The following UNC13C variants were observed in gnomAD, a reference collection of about 807,000 sequenced individuals.
The protein encoded by UNC13C is unc-13 homolog C.
A neutral mutation model predicts 245.4 loss-of-function variants in UNC13C; 174 were observed. The observed-to-expected ratio is 0.71, with a 90% CI of 0.63 to 0.80. The LOEUF is 0.80. UNC13C is among the 30% of genes least tolerant of loss of function. The pLI, the probability that UNC13C is intolerant of heterozygous loss-of-function variation, is 0.00. For missense variants in UNC13C, 2,829 were observed against 2,602.9 expected (o/e 1.09, Z -1.89); for synonymous variants, 992 against 895.1 (o/e 1.11, Z -1.93).
intron 19 of UNC13C, among the ~76,000 whole-genome samples, chr15:54,442,659 T>C (rs984133407): frequency 4.6e-5 from 7 of 152,242 alleles, no homozygotes; most frequent in African/African-American, 1.7e-4. Context: ...CATGAAAGGA[T>C]GCTTTTTCTA....
chr15:54,416,325 A>G (rs1028960131), intron 19 of UNC13C, among the ~76,000 whole-genome samples: 3 of 152,284 alleles, frequency 2.0e-5, no homozygotes, highest in African/African-American at 7.2e-5. Context: ...ACCAGGTTGC[A>G]GAGGGAACAT....
rs553857594 is a variant in UNC13C, at chr15:54,261,193, A to G, written c.3449-2975A>G. 1.8e-3 allele frequency among the ~76,000 whole-genome samples: 270 copies of G among 152,274 alleles called. 1 individual carries two copies. The highest frequency in any genetic ancestry group is 6.2e-3 in the African/African-American group (258 of 41,556). ...CTGGTTGGCATATTACTGTATTTCA[A>G]TGACACTGCTAGACCTTCTACCACA... On this transcript the variant is annotated intron_variant, in intron 8 of 32. Coordinates refer to ENST00000260323, the MANE Select transcript of UNC13C (RefSeq NM_001080534.3).
At chr15:53,922,873 CT>C in the UNC13C span, among the ~76,000 whole-genome samples, 1 of 152,106 alleles carries the variant, frequency 6.6e-6, no homozygotes, top group East Asian at 1.9e-4. Flanking sequence ...TAGCTGAGAA[CT>C]TTTTTGCTCA....
chr15:53,953,984 G>A, the UNC13C span, among the ~76,000 whole-genome samples: 1 of 152,172 alleles, frequency 6.6e-6, no homozygotes, highest in Non-Finnish European at 1.5e-5. Flanking sequence ...GGGGTGCAGG[G>A]CTCCGAGCTT....
chr15:53,984,365 A>G (rs1400328927), intron 1 of UNC13C, among the ~76,000 whole-genome samples: 2 of 152,100 alleles, frequency 1.3e-5, no homozygotes, highest in Non-Finnish European at 2.9e-5. Flanking sequence ...TTGATTTACT[A>G]ATGCATCATA....
chr15:54,224,226 G>C (rs1404607802), intron 4 of UNC13C, among the ~76,000 whole-genome samples: 1 of 152,056 alleles, frequency 6.6e-6, no homozygotes, highest in African/African-American at 2.4e-5. Flanking sequence ...TTAAAGGAAA[G>C]GTTTTCAGTT....
chr15:54,275,670 G>C (rs2036812919), intron 10 of UNC13C, among the ~76,000 whole-genome samples: 1 of 151,988 alleles, frequency 6.6e-6, no homozygotes, highest in African/African-American at 2.4e-5. Context: ...TTATCCTGTT[G>C]TCACTAAGTG....
chr15:54,435,284 T>A (rs1449574162), intron 19 of UNC13C, among the ~76,000 whole-genome samples: 2 of 152,140 alleles, frequency 1.3e-5, no homozygotes, highest in Non-Finnish European at 2.9e-5. Context: ...TGCACACATA[T>A]GTTTATTGCA....
At chr15:54,203,409 A>G (rs2034584107) in intron 4 of UNC13C, among the ~76,000 whole-genome samples, 1 of 151,044 alleles carries the variant, frequency 6.6e-6, no homozygotes, top group African/African-American at 2.4e-5. Flanking sequence ...CAATTGCAAA[A>G]ATATAGAATC....
intron 20 of UNC13C, among the ~76,000 whole-genome samples, chr15:54,497,936 G>T (rs115821530): frequency 0.015 from 2,225 of 152,142 alleles, 43 homozygotes; most frequent in African/African-American, 0.05. Context: ...AAGGTCCACA[G>T]CTTTTCATGG....
intron 2 of UNC13C, among the ~76,000 whole-genome samples, chr15:54,044,262 C>CT (rs1896936049): frequency 6.6e-6 from 1 of 152,176 alleles, no homozygotes; most frequent in Non-Finnish European, 1.5e-5. Flanking sequence ...AACTTCATTC[C>CT]TTTTTGTGCC....
At chr15:54,321,311 A>T in intron 13 of UNC13C, 2 of 469,956 alleles carry the variant, frequency 4.3e-6, no homozygotes, top group Admixed American at 2.2e-5. Context: ...GTTCAAAATA[A>T]TCTCTTGGGT....
chr15:54,144,743 T>G (rs1024605931), intron 4 of UNC13C, among the ~76,000 whole-genome samples: 24 of 152,210 alleles, frequency 1.6e-4, no homozygotes, highest in African/African-American at 5.8e-4. Flanking sequence ...ATACAACATG[T>G]TTTATTCTTC....
chr15:54,525,587 G>C lies in UNC13C; in HGVS notation c.5496G>C (p.Gln1832His). The change falls in exon 25 of 33, where the codon CAG (glutamine) becomes CAC (histidine). Residue 1832 changes from glutamine to histidine, a missense_variant. Coordinates refer to ENST00000260323, the MANE Select transcript of UNC13C (RefSeq NM_001080534.3). The part of the protein sequence containing the change: ...SEASTILKEL[Q>H]VKLSGVLDEL... ...CTAGTACTATTCTAAAAGAACTTCA[G>C]GTTAAGCTCAGTGGGGTCCTGGATG... The C allele has an allele frequency of 6.2e-7, 1 of 1,613,112 alleles. No homozygotes were observed. The highest frequency in any genetic ancestry group is 1.1e-5 in the South Asian group (1 of 90,816).
intron 17 of UNC13C, among the ~76,000 whole-genome samples, chr15:54,392,132 C>G (rs1391676944): frequency 6.6e-6 from 1 of 152,054 alleles, no homozygotes; most frequent in South Asian, 2.1e-4. Context: ...AAATGTATCT[C>G]TGCCTATATT....
At chr15:54,390,983 G>A (rs1281905739) in intron 17 of UNC13C, among the ~76,000 whole-genome samples, 2 of 152,052 alleles carry the variant, frequency 1.3e-5, no homozygotes, top group Non-Finnish European at 2.9e-5. Context: ...GTTATATGAT[G>A]TGAAAAATAG....
chr15:53,888,426 T>G, the UNC13C span, among the ~76,000 whole-genome samples: 1 of 152,202 alleles, frequency 6.6e-6, no homozygotes, highest in African/African-American at 2.4e-5. Context: ...TTTGTTTAAG[T>G]TCCTTGTAGA....
At chr15:54,363,878 C>T (rs2039294472) in intron 17 of UNC13C, among the ~76,000 whole-genome samples, 1 of 152,094 alleles carries the variant, frequency 6.6e-6, no homozygotes, top group African/African-American at 2.4e-5. Context: ...TTTTAAAGGT[C>T]CTGAGCAATT....
chr15:54,368,739 A>G (rs1308089270), intron 17 of UNC13C, among the ~76,000 whole-genome samples: 1 of 152,306 alleles, frequency 6.6e-6, no homozygotes, highest in East Asian at 1.9e-4. Context: ...GATTTCATTC[A>G]TCAAGAGAGA....
Sources: gnomAD v4.1 joint callset for allele counts (sites outside exome capture counted in the v4.1 genomes callset) on GRCh38, gnomAD v4.1.1 for gene constraint, MANE v1.5 for transcripts, NCBI Gene and HGNC (gene_info 2026-07-23, HGNC 2026-07-21) for gene names.